The following CAMTA1 variants were observed in gnomAD, a reference collection of about 807,000 sequenced individuals.
CAMTA1 encodes calmodulin-binding transcription activator 1.
In CAMTA1, 27 loss-of-function variants were observed where a neutral mutation model predicts 170.9. The ratio of observed to expected loss-of-function variants is 0.16; its 90% CI spans 0.12 to 0.22. The LOEUF (loss-of-function observed/expected upper bound fraction) is 0.22, where lower values mean the gene tolerates loss of function less well. Ranked by LOEUF, CAMTA1 falls within the 10% of genes least tolerant of loss-of-function variation. The pLI is 1.00. For missense variants in CAMTA1, 1,619 were observed against 2,217.2 expected, an observed-to-expected ratio of 0.73 and a Z score of 5.42; for synonymous variants, 833 against 891.5, an observed-to-expected ratio of 0.93 and a Z score of 1.17.
At chr1:7,368,892 C>G (rs2086222628) in intron 5 of CAMTA1, 1 of 152,358 alleles carries the variant, frequency 6.6e-6, no homozygotes, top group East Asian at 1.9e-4. Flanking sequence ...TTGCCAGTCA[C>G]TATGCCTTCT....
chr1:7,643,165 GTCA>G (rs2095778261), intron 7 of CAMTA1, among the ~76,000 whole-genome samples: 5 of 149,998 alleles, frequency 3.3e-5, no homozygotes, highest in African/African-American at 1.0e-4. Flanking sequence ...CAAGTCTTCA[GTCA>G]GGAGGAGGAG....
rs998502385 is a variant in CAMTA1 at position 7,562,061 on chromosome 1, G to A, written c.511-78339G>A. Reference sequence around the variant, plus strand: ...GTCGTGGCCAAGATGGTGATTGGGAGATGGTGTTCAGGGAAGCCTTTGTGC... The same window carrying A: ...GTCGTGGCCAAGATGGTGATTGGGAAATGGTGTTCAGGGAAGCCTTTGTGC... On this transcript the variant is annotated intron_variant, in intron 6 of 22. Coordinates refer to ENST00000303635, the MANE Select transcript of CAMTA1 (RefSeq NM_015215.4). The surrounding 1 kb of genome is among the most constrained non-coding windows in gnomAD (Gnocchi z 4.8). Among the ~76,000 whole-genome samples the A allele has an allele frequency of 1.1e-4, 16 of 152,160 alleles. No individual in the cohort carries two copies. The highest frequency in any genetic ancestry group is 2.2e-4 in the Non-Finnish European group (15 of 68,038).
At chr1:7,499,038 A>G (rs1351864310) in intron 6 of CAMTA1, among the ~76,000 whole-genome samples, 1 of 133,214 alleles carries the variant, frequency 7.5e-6, no homozygotes, top group African/African-American at 3.0e-5. Flanking sequence ...GTGTGTAGAG[A>G]GGATTGTGTG....
At chr1:6,902,084 T>TAAATAAA (rs1553180536) in intron 3 of CAMTA1, among the ~76,000 whole-genome samples, 1 of 105,012 alleles carries the variant, frequency 9.5e-6, no homozygotes, top group Non-Finnish European at 2.0e-5. Context: ...AAAAAAAAAA[T>TAAATAAA]AAAAATAAAA....
At chr1:6,830,413 AGCTCACT>A (rs1295359160) in intron 3 of CAMTA1, among the ~76,000 whole-genome samples, 2 of 137,766 alleles carry the variant, frequency 1.5e-5, no homozygotes, top group Non-Finnish European at 3.1e-5. Flanking sequence ...ACGTGATCTC[AGCTCACT>A]GCAACCTCCA....
chr1:6,877,038 G>T (rs1670092734), intron 3 of CAMTA1, among the ~76,000 whole-genome samples: 1 of 152,172 alleles, frequency 6.6e-6, no homozygotes, highest in Non-Finnish European at 1.5e-5. Flanking sequence ...TTCGGTGCCC[G>T]CCTCCAGGCC....
rs544144139 is a variant in CAMTA1 at position 7,224,838 on chromosome 1, C to T, written c.303-24653C>T. On this transcript the variant is annotated intron_variant, in intron 4 of 22. Transcript: ENST00000303635. This position sits in a 1 kb window ranked among gnomAD's most constrained non-coding sequence, Gnocchi z 5.2. The stretch of plus-strand genomic sequence containing the variant: ...CTGGATGGTCCGTTGGCACCCTGCC[C>T]ACCGCACTTCAGCTTCCCTTGCTGC... 5.9e-5 allele frequency among the ~76,000 whole-genome samples: 9 copies of T among 152,296 alleles called. No individual in the cohort carries two copies. The East Asian group carries it at 1.5e-3, about 26-fold the overall frequency.
At chr1:7,543,793 A>C (rs1339207316) in intron 6 of CAMTA1, among the ~76,000 whole-genome samples, 1 of 151,780 alleles carries the variant, frequency 6.6e-6, no homozygotes, top group East Asian at 1.9e-4. Flanking sequence ...ATCCTCAAAG[A>C]GTGTGTTTAT....
At chr1:7,696,402 G>A (rs977586305) in intron 11 of CAMTA1, among the ~76,000 whole-genome samples, 1 of 151,546 alleles carries the variant, frequency 6.6e-6, no homozygotes, top group Non-Finnish European at 1.5e-5. Context: ...CACTATATTG[G>A]CCAGGCTGGT....
In CAMTA1 at chr1:7,748,060, G is replaced by A. The variant is rs999119771; in HGVS notation, c.4689+279G>A. Among the ~76,000 whole-genome samples, 4 of 151,998 alleles carry A rather than the reference G, an allele frequency of 2.6e-5. No individual in the cohort carries two copies. The highest frequency in any genetic ancestry group is 6.6e-5 in the Admixed American group (1 of 15,248). On this transcript the variant is annotated intron_variant, in intron 19 of 22. Transcript: ENST00000303635. This position sits in a 1 kb window ranked among gnomAD's most constrained non-coding sequence, Gnocchi z 4.7. ...CCCGAGTAGCTGGGACTACAGGCGT[G>A]TGCTACCATGCCCAGCTGATTTTTC...
At position 7,249,247 on chromosome 1, in the gene CAMTA1, A is replaced by G. The variant is rs1456211503; in HGVS notation, c.303-244A>G. On this transcript the variant is annotated intron_variant, in intron 4 of 22. Coordinates refer to ENST00000303635, the MANE Select transcript of CAMTA1 (RefSeq NM_015215.4). This position sits in a 1 kb window ranked among gnomAD's most constrained non-coding sequence, Gnocchi z 4.4. ...CCTGATTACTTTGTGGTTATTACTG[A>G]GGGGATGTTTTTTAAGCCTATCATT... 1.3e-5 allele frequency among the ~76,000 whole-genome samples: 2 copies of G among 152,092 alleles called. No homozygotes were observed.
chr1:7,471,446 G>T (rs1393660127), intron 6 of CAMTA1, among the ~76,000 whole-genome samples: 1 of 152,258 alleles, frequency 6.6e-6, no homozygotes, highest in African/African-American at 2.4e-5. Flanking sequence ...CAGGGCCAGA[G>T]CCATGACCTG....
intron 6 of CAMTA1, among the ~76,000 whole-genome samples, chr1:7,577,028 C>T (rs967395935): frequency 6.6e-5 from 10 of 152,202 alleles, no homozygotes; most frequent in Admixed American, 2.0e-4. Flanking sequence ...CTTTGCTGAA[C>T]GCCACAACTC....
At chr1:7,400,015 C>G (rs999399522) in intron 5 of CAMTA1, among the ~76,000 whole-genome samples, 7 of 152,194 alleles carry the variant, frequency 4.6e-5, no homozygotes, top group Non-Finnish European at 8.8e-5. Flanking sequence ...GTCCATATCT[C>G]TATCAAGACT....
At chr1:7,410,955 ATGTC>A (rs1346685055) in intron 5 of CAMTA1, among the ~76,000 whole-genome samples, 4 of 148,012 alleles carry the variant, frequency 2.7e-5, no homozygotes, top group East Asian at 2.0e-4. Flanking sequence ...ATATGTGTGT[ATGTC>A]TGTGTGTGTA....
chr1:6,973,227 G>A (rs1274467556), intron 3 of CAMTA1, among the ~76,000 whole-genome samples: 1 of 152,158 alleles, frequency 6.6e-6, no homozygotes, highest in African/African-American at 2.4e-5. Context: ...TCTCCAGGAC[G>A]AACTCATCTT....
At chr1:7,471,473 C>T (rs2093328986) in intron 6 of CAMTA1, among the ~76,000 whole-genome samples, 2 of 152,268 alleles carry the variant, frequency 1.3e-5, no homozygotes, top group Admixed American at 1.3e-4. Context: ...GCCACCTCTT[C>T]CCCTCTGCTG....
intron 6 of CAMTA1, among the ~76,000 whole-genome samples, chr1:7,610,387 T>A (rs989100881): frequency 6.6e-5 from 10 of 152,174 alleles, no homozygotes; most frequent in Non-Finnish European, 1.5e-4. Flanking sequence ...TTGCACTTAA[T>A]AAACATGGGT....
At chr1:7,226,279 G>T (rs142181742) in intron 4 of CAMTA1, among the ~76,000 whole-genome samples, 2 of 151,812 alleles carry the variant, frequency 1.3e-5, no homozygotes, top group East Asian at 3.9e-4. Flanking sequence ...CCTGCCCCTC[G>T]TGGAATTACA....
Sources: allele counts gnomAD v4.1 joint callset (sites outside exome capture counted in the v4.1 genomes callset), GRCh38; gene constraint gnomAD v4.1.1; non-coding constraint Gnocchi (gnomAD v3.1); transcripts MANE v1.5; gene names NCBI Gene and HGNC (gene_info 2026-07-23, HGNC 2026-07-21).